Variants in WDR72 observed in about 807,000 individuals in gnomAD.
The protein encoded by WDR72 is WD repeat domain 72.
A neutral mutation model predicts 124.2 loss-of-function variants in WDR72; 120 were observed. The ratio of observed to expected loss-of-function variants is 0.97; its 90% confidence interval spans 0.83 to 1.12. WDR72 has a LOEUF of 1.12. WDR72 is among the 50% of genes most tolerant of loss of function. The pLI is 0.00. For synonymous variants in WDR72, 452 were observed against 441.7 expected, an observed-to-expected ratio of 1.02 and a Z score of -0.29; for missense variants, 1,387 against 1,278.8, an observed-to-expected ratio of 1.08 and a Z score of -1.29.
intron 13 of WDR72, among the ~76,000 whole-genome samples, chr15:53,688,409 T>C (rs1293668959): frequency 2.7e-5 from 4 of 149,348 alleles, no homozygotes; most frequent in Non-Finnish European, 4.5e-5. Context: ...AGCATTCTTA[T>C]ACACCAACAA....
intron 1 of WDR72, among the ~76,000 whole-genome samples, chr15:53,752,451 A>G (rs1173575243): frequency 6.6e-6 from 1 of 152,200 alleles, no homozygotes; most frequent in Non-Finnish European, 1.5e-5. Context: ...AGAGAAAGTC[A>G]GGTAAAGGTG....
chr15:53,626,914 T>C (rs1332412558), intron 14 of WDR72, among the ~76,000 whole-genome samples: 1 of 152,218 alleles, frequency 6.6e-6, no homozygotes, highest in Non-Finnish European at 1.5e-5. Context: ...TGCCCTCATC[T>C]TCTCACTTTT....
chr15:53,519,066 G>A (rs1891636613), intron 19 of WDR72, among the ~76,000 whole-genome samples: 1 of 151,964 alleles, frequency 6.6e-6, no homozygotes, highest in African/African-American at 2.4e-5. Flanking sequence ...GGAGTGCACT[G>A]TTTCTAGTGC....
intron 17 of WDR72, among the ~76,000 whole-genome samples, chr15:53,603,946 TCAACG>T: frequency 6.6e-6 from 1 of 152,110 alleles, no homozygotes; most frequent in South Asian, 2.1e-4. Context: ...TATCAAGCTA[TCAACG>T]TCATTTTTCA....
intron 18 of WDR72, among the ~76,000 whole-genome samples, chr15:53,532,296 T>A (rs997015421): frequency 6.6e-6 from 1 of 152,136 alleles, no homozygotes; most frequent in African/African-American, 2.4e-5. Context: ...GTGGGGTACA[T>A]GTCCAAAACA....
chr15:53,711,371 T>A lies in WDR72; in HGVS notation c.822A>T (p.Glu274Asp). ...GCTGATAGATGTAACTGTGACCATC[T>A]TCTGTCCAGATGAGGATTCTGTGAG... ...IAAHRILIWT[E>D]DGHSYIYQLL... The change falls in exon 8 of 20, where the codon GAA becomes GAT. Residue 274 changes from glutamate to aspartate, a missense_variant. By Grantham distance (45) the Glu-to-Asp change is conservative. Coordinates refer to ENST00000360509, the MANE Select transcript of WDR72 (RefSeq NM_182758.4). 6.2e-7 allele frequency: 1 copy of A among 1,614,200 alleles called. No homozygotes were observed. Among genetic ancestry groups the A allele is most frequent in the East Asian group, 2.2e-5 (1 of 44,876 alleles).
At chr15:53,694,971 T>C (rs909386530) in intron 13 of WDR72, among the ~76,000 whole-genome samples, 2 of 152,198 alleles carry the variant, frequency 1.3e-5, no homozygotes, top group Non-Finnish European at 2.9e-5. Flanking sequence ...CTCTCCTTTA[T>C]GTAGTGTCTA....
chr15:53,540,690 C>T lies in WDR72; in HGVS notation c.3149-17368G>A, dbSNP rs149842452. On this transcript the variant is annotated intron_variant, in intron 18 of 19. Coordinates refer to ENST00000360509, the MANE Select transcript of WDR72 (RefSeq NM_182758.4). The stretch of plus-strand genomic sequence containing the variant: ...TCCGGTCTACAGCTCCCAGCGTGAG[C>T]GACGCAGAAGACGGGTGATTTCTGC... 6.9e-3 allele frequency among the ~76,000 whole-genome samples: 1,057 copies of T among 152,168 alleles called. 17 individuals are homozygous for T. The highest frequency in any genetic ancestry group is 0.068 in the East Asian group (350 of 5,158).
chr15:53,597,205 G>A lies in WDR72; in HGVS notation c.3022C>T (p.Pro1008Ser), dbSNP rs753298515. Reference protein sequence around the residue: ...QQHMKSLGKIPVNSQPVSMAE... With the variant: ...QQHMKSLGKISVNSQPVSMAE... ...ATGGACACTGGTTGACTATTGACGG[G>A]TATCTTTCCCAAACTCTTCATGTGT... is the stretch of plus-strand genomic sequence containing the variant. Residue 1008 changes from proline to serine, a missense_variant, in exon 18 of 20, where the codon CCC becomes TCC. Physicochemically the swap from Pro to Ser is moderately conservative, Grantham distance 74. Transcript: ENST00000360509. 3 of 1,613,642 alleles carry A rather than the reference G, an allele frequency of 1.9e-6. No individual in the cohort carries two copies. In the East Asian group the frequency reaches 6.7e-5, roughly 36 times the overall value.
intron 1 of WDR72, among the ~76,000 whole-genome samples, chr15:53,757,907 G>A (rs1002207200): frequency 4.6e-5 from 7 of 152,006 alleles, no homozygotes; most frequent in African/African-American, 1.7e-4. Context: ...GATTTCTAAA[G>A]CATTCAGTTC....
At position 53,604,750 on chromosome 15, in the gene WDR72, G is replaced by T. The variant is rs116386462; in HGVS notation, c.2952+4763C>A. On this transcript the variant is annotated intron_variant, in intron 17 of 19. Coordinates refer to ENST00000360509, the MANE Select transcript of WDR72 (RefSeq NM_182758.4). ...AAGCTTAACATCACTAATCACTGGA[G>T]AAATGCAAATCAAAACCACAACGAG... Among the ~76,000 whole-genome samples, 1,153 of 152,258 alleles carry T rather than the reference G, an allele frequency of 7.6e-3. 19 individuals are homozygous for T. The highest frequency in any genetic ancestry group is 0.027 in the African/African-American group (1,114 of 41,564).
At chr15:53,759,711 G>GCCCCGCCTCGCCCCGC (rs201948107), upstream of WDR72, 1 of 144,822 alleles carries the variant, frequency 6.9e-6, no homozygotes. Flanking sequence ...TACCGGCCCC[G>GCCCCGCCTCGCCCCGC]CCCGCCTCGC....
rs551037600 is a variant in WDR72, at chr15:53,604,352, A to C, written c.2952+5161T>G. On this transcript the variant is annotated intron_variant, in intron 17 of 19. Coordinates refer to ENST00000360509, the MANE Select transcript of WDR72 (RefSeq NM_182758.4). ...AACTCAAGATGGATTAAAGACTTGA[A>C]TGTAAAACACAAAATTATAAAAACC... 3.3e-5 allele frequency among the ~76,000 whole-genome samples: 5 copies of C among 152,338 alleles called. No homozygotes were observed. In the South Asian group the frequency reaches 1.0e-3, roughly 32 times the overall value.
rs773690010 is a variant in WDR72 at position 53,615,386 on chromosome 15, T to C, written c.2780+40A>G. 4.1e-6 allele frequency: 6 copies of C among 1,471,382 alleles called. No individual in the cohort carries two copies. The African/African-American group carries it at 8.5e-5, about 21-fold the overall frequency. 91.1% of individuals were successfully genotyped at this position (1,471,382 alleles called of 1,614,324 possible). The stretch of plus-strand genomic sequence containing the variant: ...CAAATAATGATATATATTTTTAATG[T>C]CATAATCTAGTATAGTCAAAATCTC... On this transcript the variant is annotated intron_variant, in intron 15 of 19. Coordinates refer to ENST00000360509, the MANE Select transcript of WDR72 (RefSeq NM_182758.4).
chr15:53,697,007 C>T (rs529832678), intron 13 of WDR72, among the ~76,000 whole-genome samples: 1 of 152,276 alleles, frequency 6.6e-6, no homozygotes, highest in East Asian at 1.9e-4. Context: ...ACTATCATCA[C>T]CAATTATAAG....
At chr15:53,651,452 A>T (rs934358795) in intron 14 of WDR72, among the ~76,000 whole-genome samples, 4 of 152,232 alleles carry the variant, frequency 2.6e-5, no homozygotes, top group African/African-American at 9.6e-5. Flanking sequence ...TTGTATCAAG[A>T]AGAGTGCCTG....
Position 53,685,539 on chromosome 15 carries a change from C to G in WDR72, c.1765+14211G>C, listed in dbSNP as rs1353501170. Among the ~76,000 whole-genome samples the G allele has an allele frequency of 4.2e-5, 6 of 143,128 alleles. No individual in the cohort carries two copies. In the South Asian group the frequency reaches 1.2e-3, roughly 27 times the overall value. 93.9% of individuals were successfully genotyped at this position (143,128 alleles called of 152,430 possible). ...AAGAATAAAAAGAAATGAGCAAAGC[C>G]TCCAAGAAATATGGGACTATGTGAA... On this transcript the variant is annotated intron_variant, in intron 13 of 19. Coordinates refer to ENST00000360509, the MANE Select transcript of WDR72 (RefSeq NM_182758.4).
rs2018034665 is a variant in WDR72 at position 53,726,288 on chromosome 15, A to ATG, written c.154-3381_154-3380insCA. On this transcript the variant is annotated intron_variant, in intron 2 of 19. Coordinates refer to ENST00000360509, the MANE Select transcript of WDR72 (RefSeq NM_182758.4). ...TGTATATATATATATATATATATAC[A>ATG]CACACACACTGCTCTAGTGTGGGAT... is the stretch of plus-strand genomic sequence containing the variant. 3.3e-5 allele frequency among the ~76,000 whole-genome samples: 3 copies of ATG among 90,292 alleles called. No individual in the cohort carries two copies. The South Asian group carries it at 1.0e-3, about 30-fold the overall frequency. The allele number at this position is 90,292 out of a possible 152,430, so 59.2% of individuals were successfully genotyped here.
intron 18 of WDR72, among the ~76,000 whole-genome samples, chr15:53,535,730 C>T (rs899525091): frequency 1.3e-5 from 2 of 152,136 alleles, no homozygotes; most frequent in African/African-American, 4.8e-5. Flanking sequence ...ATCTGAAACA[C>T]AGATCAAATT....
Sources: gnomAD v4.1 joint callset for allele counts (sites outside exome capture counted in the v4.1 genomes callset) on GRCh38, gnomAD v4.1.1 for gene constraint, MANE v1.5 for transcripts, NCBI Gene and HGNC (gene_info 2026-07-23, HGNC 2026-07-21) for gene names.